The following CILP2 variants were observed in gnomAD, a reference collection of about 807,000 sequenced individuals.
CILP2 encodes the protein cartilage intermediate layer protein 2.
CILP2 carries 38 observed loss-of-function variants against 45.6 expected under a neutral mutation model. The observed-to-expected ratio is 0.83, with a 90% CI of 0.64 to 1.09. The LOEUF is 1.09. CILP2 is among the 50% of genes least tolerant of loss of function. CILP2 has a pLI of 0.00. For synonymous variants in CILP2, 780 were observed against 723.5 expected (o/e 1.08, Z -1.25); for missense variants, 1,735 against 1,662.2 (o/e 1.04, Z -0.76).
rs367667055 is a variant in CILP2 at position 19,544,666 on chromosome 19, G to A, written c.2121G>A (p.Val707=). Residue 707 remains valine (V), a synonymous_variant, in exon 8 of 8, where the codon GTG becomes GTA. Coordinates refer to ENST00000291495, the MANE Select transcript of CILP2 (RefSeq NM_153221.2). ...FRREGSSGPR[V]RREERVFLVG... ...GCGAGGGGTCCTCGGGCCCCCGGGT[G>A]CGCCGGGAGGAGCGCGTCTTCCTGG... 162 of 1,559,562 alleles carry A rather than the reference G, an allele frequency of 1.0e-4. No homozygotes were observed. The highest frequency in any genetic ancestry group is 1.2e-4 in the Non-Finnish European group (142 of 1,160,546).
At position 19,545,601 on chromosome 19, in the gene CILP2, G is replaced by C. The variant is rs776406245; in HGVS notation, c.3056G>C (p.Arg1019Pro). 2 of 1,608,848 alleles carry C rather than the reference G, an allele frequency of 1.2e-6. No individual in the cohort carries two copies. The highest frequency in any genetic ancestry group is 3.3e-5 in the Admixed American group (2 of 59,758). ...ACCATTATGCCCCAGGGCAGCTGCC[G>C]GCGCGTGGCCGTCAACGGACTCCTT... ...LVTIMPQGSCRRVAVNGLLRD... is the reference protein window; with the variant it reads ...LVTIMPQGSCPRVAVNGLLRD... The change falls in exon 8 of 8, where the codon CGG becomes CCG. Residue 1019 changes from arginine (R) to proline (P), a missense_variant. Physicochemically the swap from Arg to Pro is moderately radical, Grantham distance 103. Transcript: ENST00000291495.
Position 19,545,269 on chromosome 19 carries a change from G to C in CILP2, c.2724G>C (p.Glu908Asp), listed in dbSNP as rs371976341. 6 of 1,612,920 alleles carry C rather than the reference G, an allele frequency of 3.7e-6. No homozygotes were observed. In the African/African-American group the frequency reaches 8.0e-5, roughly 21 times the overall value. Residue 908 changes from glutamate to aspartate, a missense_variant, in exon 8 of 8, where the codon GAG (glutamate) becomes GAC (aspartate). Transcript: ENST00000291495. ...RFARVEADKYEYNVVPFREGT... is the reference protein window; with the variant it reads ...RFARVEADKYDYNVVPFREGT... ...CCAGGGTGGAGGCGGACAAGTACGA[G>C]TACAACGTGGTCCCCTTCCGAGAGG...
At chr19:19,543,085 TGA>T (rs2061250366) in intron 6 of CILP2, 113 bp downstream of exon 6, 1 of 980,890 alleles carries the variant, frequency 1.0e-6, no homozygotes, top group African/African-American at 1.6e-5. Flanking sequence ...TAACGGGGAA[TGA>T]ATTGGGTGGG....
In CILP2 at chr19:19,544,227, T is replaced by C. The variant is rs200177688; in HGVS notation, c.1682T>C (p.Ile561Thr). Residue 561 changes from isoleucine (I) to threonine (T), a missense_variant, in exon 8 of 8, where the codon ATT becomes ACT. Transcript: ENST00000291495. ...VKAMRKKAPV[I>T]LHTSQSNTIP... ...GCCATGCGGAAGAAAGCCCCGGTCATTTTACATACCAGCCAGAGCAACACG... is the reference window on the plus strand; with the variant it reads ...GCCATGCGGAAGAAAGCCCCGGTCACTTTACATACCAGCCAGAGCAACACG... The C allele has an allele frequency of 4.5e-5, 73 of 1,613,892 alleles. 1 individual carries two copies. In the East Asian group the frequency reaches 1.5e-3, roughly 34 times the overall value.
At position 19,545,068 on chromosome 19, in the gene CILP2, G is replaced by C; in HGVS notation, c.2523G>C (p.Arg841Ser). Residue 841 changes from arginine to serine, a missense_variant, in exon 8 of 8, where the codon AGG (arginine) becomes AGC (serine). Physicochemically the swap from Arg to Ser is moderately radical, Grantham distance 110. Coordinates refer to ENST00000291495, the MANE Select transcript of CILP2 (RefSeq NM_153221.2). ...GCGTCACCCAGCCCTACCTGGACAGGCTGGGGTACCGTCGGACGGACCACG... is the reference window on the plus strand; with the variant it reads ...GCGTCACCCAGCCCTACCTGGACAGCCTGGGGTACCGTCGGACGGACCACG... ...TVGVTQPYLDRLGYRRTDHDD... is the reference protein window; with the variant it reads ...TVGVTQPYLDSLGYRRTDHDD... 2 of 1,609,714 alleles carry C rather than the reference G, an allele frequency of 1.2e-6. No individual in the cohort carries two copies. The highest frequency in any genetic ancestry group is 1.7e-6 in the Non-Finnish European group (2 of 1,178,752).
Position 19,539,790 on chromosome 19 carries a change from G to A in CILP2, c.163+13G>A. ...GAGGACTGGGAAGGTGAGTTAGCCT[G>A]CCTCGGAGTCCCGTCTCTGCTGCGG... On this transcript the variant is annotated intron_variant, in intron 2 of 7. Transcript: ENST00000291495. 6.4e-7 allele frequency: 1 copy of A among 1,561,394 alleles called. No homozygotes were observed. Among genetic ancestry groups the A allele is most frequent in the Non-Finnish European group, 8.7e-7 (1 of 1,150,684 alleles).
At position 19,546,131 on chromosome 19, in the gene CILP2, C is replaced by G; in HGVS notation, c.*115C>G. On this transcript the variant is annotated 3_prime_UTR_variant, in exon 8 of 8. Transcript: ENST00000291495. ...CCCCAGGTGTCTGGGTCCCCTTTCC[C>G]GCCCCTTTCCAGAACTCAGAGTCAG... 1.2e-6 allele frequency: 1 copy of G among 821,946 alleles called. No individual in the cohort carries two copies. Among genetic ancestry groups the G allele is most frequent in the South Asian group, 3.0e-5 (1 of 33,736 alleles). 50.9% of individuals were successfully genotyped at this position (821,946 alleles called of 1,614,324 possible).
rs555242198 is a variant in CILP2, at chr19:19,543,957, C to T, written c.1412C>T (p.Pro471Leu). The change falls in exon 8 of 8, where the codon CCT (proline) becomes CTT (leucine). Residue 471 changes from proline (P) to leucine (L), a missense_variant. Pro to Leu is a moderately conservative substitution (Grantham distance 98). Transcript: ENST00000291495. ...TGTGGCTGCCAGAAGTGTCTGCCCC[C>T]TCGGGGGCTGGTCCGGGGCCGTGTT... ...AECGCQKCLPPRGLVRGRVVA... is the reference protein window; with the variant it reads ...AECGCQKCLPLRGLVRGRVVA... 2.6e-5 allele frequency: 42 copies of T among 1,613,474 alleles called. No individual in the cohort carries two copies. The South Asian group carries it at 4.5e-4, about 17-fold the overall frequency.
chr19:19,545,266 C>G lies in CILP2; in HGVS notation c.2721C>G (p.Tyr907Ter). ...TCGCCAGGGTGGAGGCGGACAAGTACGAGTACAACGTGGTCCCCTTCCGAG... is the reference window on the plus strand; with the variant it reads ...TCGCCAGGGTGGAGGCGGACAAGTAGGAGTACAACGTGGTCCCCTTCCGAG... Reference protein sequence around the residue: ...FRFARVEADKYEYNVVPFREG... With the variant: ...FRFARVEADK The change falls in exon 8 of 8, where the codon TAC becomes TAG. Residue 907 changes from tyrosine to a stop codon, truncating the protein, a stop_gained. Transcript: ENST00000291495. LOFTEE classifies it low-confidence loss of function (END_TRUNC). 3 of 1,612,724 alleles carry G rather than the reference C, an allele frequency of 1.9e-6. No individual in the cohort carries two copies. The highest frequency in any genetic ancestry group is 1.7e-6 in the Non-Finnish European group (2 of 1,179,768).
In CILP2 at chr19:19,544,161, C is replaced by T; in HGVS notation, c.1616C>T (p.Pro539Leu). The change falls in exon 8 of 8, where the codon CCT (proline) becomes CTT (leucine). Residue 539 changes from proline to leucine, a missense_variant. Coordinates refer to ENST00000291495, the MANE Select transcript of CILP2 (RefSeq NM_153221.2). Reference sequence around the variant, plus strand: ...TTCATGGACGCTGTCCGGGTCTTGCCTTTTGATCCTCGAGGTGCCGGCGTG... The same window carrying T: ...TTCATGGACGCTGTCCGGGTCTTGCTTTTTGATCCTCGAGGTGCCGGCGTG... The part of the protein sequence containing the change: ...GEFMDAVRVL[P>L]FDPRGAGVYH... 6.2e-7 allele frequency: 1 copy of T among 1,613,796 alleles called. No homozygotes were observed. The highest frequency in any genetic ancestry group is 1.7e-5 in the Admixed American group (1 of 60,018).
chr19:19,544,970 G>C lies in CILP2; in HGVS notation c.2425G>C (p.Val809Leu). 6.3e-7 allele frequency: 1 copy of C among 1,597,356 alleles called. No individual in the cohort carries two copies. The change falls in exon 8 of 8, where the codon GTC becomes CTC. Residue 809 changes from valine to leucine, a missense_variant. Physicochemically the swap from Val to Leu is conservative, Grantham distance 32 (BLOSUM62 1). Transcript: ENST00000291495. ...ADRPDAYTALVTATLGGEELE... is the reference protein window; with the variant it reads ...ADRPDAYTALLTATLGGEELE... ...CAGGCCAGACGCCTACACCGCCCTG[G>C]TCACCGCCACCCTGGGCGGCGAGGA...
rs1360859393 is a variant in CILP2, at chr19:19,545,295, G to C, written c.2750G>C (p.Gly917Ala). The change falls in exon 8 of 8, where the codon GGC becomes GCC. Residue 917 changes from glycine (G) to alanine (A), a missense_variant. By Grantham distance (60) the Gly-to-Ala change is moderately conservative. Coordinates refer to ENST00000291495, the MANE Select transcript of CILP2 (RefSeq NM_153221.2). ...YEYNVVPFRE[G>A]TPASWTGDLL... ...TACAACGTGGTCCCCTTCCGAGAGG[G>C]CACACCTGCCTCCTGGACTGGCGAT... The C allele has an allele frequency of 6.2e-7, 1 of 1,612,936 alleles. No homozygotes were observed. Among genetic ancestry groups the C allele is most frequent in the South Asian group, 1.1e-5 (1 of 91,074 alleles).
chr19:19,540,938 T>G, intron 3 of CILP2, among the ~76,000 whole-genome samples, 153 bp from the exon 4 acceptor site: 2 of 146,456 alleles, frequency 1.4e-5, no homozygotes, highest in African/African-American at 5.1e-5. Context: ...GGAGCATGGG[T>G]GGGGGCGATG....
At position 19,539,667 on chromosome 19, in the gene CILP2, C is replaced by T. The variant is rs1477895566; in HGVS notation, c.65-12C>T. On this transcript the variant is annotated splice_polypyrimidine_tract_variant and intron_variant, in intron 1 of 7. Coordinates refer to ENST00000291495, the MANE Select transcript of CILP2 (RefSeq NM_153221.2). ...AGCAGCGTGCTTCCTTCTCCCCACT[C>T]CTCACCCACAGACGCCACCCCCACC... is the stretch of plus-strand genomic sequence containing the variant. 8 of 1,567,964 alleles carry T rather than the reference C, an allele frequency of 5.1e-6. No homozygotes were observed. The African/African-American group carries it at 1.1e-4, about 22-fold the overall frequency.
At position 19,544,212 on chromosome 19, in the gene CILP2, A is replaced by T; in HGVS notation, c.1667A>T (p.Lys556Met). The change falls in exon 8 of 8, where the codon AAG (lysine) becomes ATG (methionine). Residue 556 changes from lysine to methionine, a missense_variant. Lys to Met is a moderately conservative substitution (Grantham distance 95, BLOSUM62 -1). Coordinates refer to ENST00000291495, the MANE Select transcript of CILP2 (RefSeq NM_153221.2). ...GVYHEVKAMRKKAPVILHTSQ... is the reference protein window; with the variant it reads ...GVYHEVKAMRMKAPVILHTSQ... ...TACCACGAGGTCAAGGCCATGCGGA[A>T]GAAAGCCCCGGTCATTTTACATACC... is the stretch of plus-strand genomic sequence containing the variant. 6.2e-7 allele frequency: 1 copy of T among 1,613,972 alleles called. No individual in the cohort carries two copies. The highest frequency in any genetic ancestry group is 1.7e-5 in the Admixed American group (1 of 60,032).
In CILP2 at chr19:19,545,907, C is replaced by T. The variant is rs764376417; in HGVS notation, c.3362C>T (p.Ser1121Phe). The T allele has an allele frequency of 6.3e-7, 1 of 1,581,656 alleles. No homozygotes were observed. Among genetic ancestry groups the T allele is most frequent in the Admixed American group, 1.7e-5 (1 of 57,302 alleles). The change falls in exon 8 of 8, where the codon TCC (serine) becomes TTC (phenylalanine). Residue 1121 changes from serine to phenylalanine, a missense_variant. Coordinates refer to ENST00000291495, the MANE Select transcript of CILP2 (RefSeq NM_153221.2). ...RPSLFQRLLE[S>F]PATALGDIRR... ...AGCCTCTTCCAGAGGCTGCTGGAGT[C>T]CCCGGCGACAGCACTTGGTGACATC... is the stretch of plus-strand genomic sequence containing the variant.
Position 19,544,022 on chromosome 19 carries a change from A to G in CILP2, c.1477A>G (p.Ile493Val). ...CGGGGAGCCGCTACGCTTCGCCAGGATTCTGCTGGGCCAGGAGCCCATCGG... is the reference window on the plus strand; with the variant it reads ...CGGGGAGCCGCTACGCTTCGCCAGGGTTCTGCTGGGCCAGGAGCCCATCGG... Reference protein sequence around the residue: ...DSGEPLRFARILLGQEPIGFT... With the variant: ...DSGEPLRFARVLLGQEPIGFT... Residue 493 changes from isoleucine to valine, a missense_variant, in exon 8 of 8, where the codon ATT becomes GTT. Transcript: ENST00000291495. 6.2e-7 allele frequency: 1 copy of G among 1,613,708 alleles called. No individual in the cohort carries two copies. Among genetic ancestry groups the G allele is most frequent in the Non-Finnish European group, 8.5e-7 (1 of 1,179,880 alleles).
In CILP2 at chr19:19,545,975, T is replaced by G. The variant is rs1384784878; in HGVS notation, c.3430T>G (p.Ser1144Ala). ...GGCGGCGCAGGCACAGGCCCGGGCCTCAGGTCCCCTCCGCACCCGCCGGGG... is the reference window on the plus strand; with the variant it reads ...GGCGGCGCAGGCACAGGCCCGGGCCGCAGGTCCCCTCCGCACCCGCCGGGG... ...SEAAQAQARA[S>A]GPLRTRRGRV... The change falls in exon 8 of 8, where the codon TCA (serine) becomes GCA (alanine). Residue 1144 changes from serine (S) to alanine (A), a missense_variant. Physicochemically the swap from Ser to Ala is moderately conservative, Grantham distance 99 (BLOSUM62 1). Coordinates refer to ENST00000291495, the MANE Select transcript of CILP2 (RefSeq NM_153221.2). 2.6e-6 allele frequency: 4 copies of G among 1,525,470 alleles called. No homozygotes were observed. The highest frequency in any genetic ancestry group is 3.5e-6 in the Non-Finnish European group (4 of 1,134,590). The allele number at this position is 1,525,470 out of a possible 1,614,324, so 94.5% of individuals were successfully genotyped here.
chr19:19,539,655 C>T (rs2061236466), intron 1 of CILP2, 24 bp from the exon 2 acceptor site: 15 of 1,531,546 alleles, frequency 9.8e-6, no homozygotes, highest in African/African-American at 1.4e-5. Flanking sequence ...AGCGTGCTTC[C>T]TTCTCCCCAC....
Sources: gnomAD v4.1 joint callset for allele counts (sites outside exome capture counted in the v4.1 genomes callset) on GRCh38, gnomAD v4.1.1 for gene constraint, MANE v1.5 for transcripts, NCBI Gene and HGNC (gene_info 2026-07-23, HGNC 2026-07-21) for gene names.